The following CSMD1 variants were observed in gnomAD, a reference collection of about 807,000 sequenced individuals.
The protein encoded by CSMD1 is CUB and sushi domain-containing protein 1.
A neutral mutation model predicts 417.5 loss-of-function variants in CSMD1; 213 were observed. That is an observed-to-expected ratio of 0.51 (90% CI 0.46 to 0.57). CSMD1 has a LOEUF of 0.57. CSMD1 is among the 20% of genes least tolerant of loss of function. The pLI is 0.00. For missense variants in CSMD1, 6,923 were observed against 4,529.7 expected (o/e 1.53, Z -15.17); for synonymous variants, 2,862 against 1,736.8 (o/e 1.65, Z -16.11).
intron 6 of CSMD1, among the ~76,000 whole-genome samples, chr8:3,748,967 G>C (rs534327790): frequency 2.6e-5 from 4 of 152,258 alleles, no homozygotes; most frequent in Admixed American, 2.6e-4. Context: ...TGATTTATCA[G>C]TTACAGAAAA....
chr8:4,031,662 T>A (rs1207189967), intron 4 of CSMD1, among the ~76,000 whole-genome samples: 1 of 152,170 alleles, frequency 6.6e-6, no homozygotes, highest in Non-Finnish European at 1.5e-5. Flanking sequence ...TATTATATAT[T>A]ATTACTTATC....
intron 5 of CSMD1, among the ~76,000 whole-genome samples, chr8:3,852,655 G>C (rs1181876996): frequency 6.9e-6 from 1 of 145,678 alleles, no homozygotes; most frequent in Non-Finnish European, 1.5e-5. Flanking sequence ...GGGAAACTGA[G>C]GCAGGCCAAG....
intron 5 of CSMD1, among the ~76,000 whole-genome samples, chr8:3,871,761 T>A (rs901184656): frequency 1.3e-5 from 2 of 152,172 alleles, no homozygotes; most frequent in Admixed American, 1.3e-4. Flanking sequence ...GTGGGTAAAA[T>A]GGTGGATGAC....
chr8:3,821,375 G>T (rs374424756), intron 5 of CSMD1, among the ~76,000 whole-genome samples: 3 of 152,292 alleles, frequency 2.0e-5, no homozygotes, highest in African/African-American at 4.8e-5. Flanking sequence ...GGCAGCGCAG[G>T]TTTGCATATG....
chr8:2,951,076 G>A, intron 66 of CSMD1, 38 bp downstream of exon 66: 1 of 1,590,508 alleles, frequency 6.3e-7, no homozygotes, highest in African/African-American at 1.3e-5. Flanking sequence ...GTCTATTTCT[G>A]CTCACACCAT....
chr8:3,958,130 C>A (rs1812090551), intron 5 of CSMD1, among the ~76,000 whole-genome samples: 1 of 152,032 alleles, frequency 6.6e-6, no homozygotes, highest in Admixed American at 6.6e-5. Flanking sequence ...AATGAAGCTG[C>A]CAAAGTCTTA....
At chr8:4,400,594 G>C (rs1410774051) in intron 3 of CSMD1, among the ~76,000 whole-genome samples, 1 of 152,236 alleles carries the variant, frequency 6.6e-6, no homozygotes, top group Admixed American at 6.5e-5. Flanking sequence ...AGCTGCTGGA[G>C]TTTGAAATAG....
intron 3 of CSMD1, among the ~76,000 whole-genome samples, chr8:4,319,045 T>A (rs574689430): frequency 6.6e-6 from 1 of 152,308 alleles, no homozygotes; most frequent in Non-Finnish European, 1.5e-5. Flanking sequence ...AACTCCTTGT[T>A]TGACCAAATA....
In CSMD1 at chr8:3,359,332, G is replaced by T. The variant is rs762025445; in HGVS notation, c.3124C>A (p.Leu1042Met). The T allele has an allele frequency of 8.1e-6, 13 of 1,612,974 alleles. No individual in the cohort carries two copies. The highest frequency in any genetic ancestry group is 1.1e-5 in the Non-Finnish European group (13 of 1,179,556). ...ACTCCAGGATCATCACATGGCTCCAGGTCATATTCTGAGGCATGCAGAGAC... is the reference window on the plus strand; with the variant it reads ...ACTCCAGGATCATCACATGGCTCCATGTCATATTCTGAGGCATGCAGAGAC... ...GFNITFSEYD[L>M]EPCDDPGVPA... The change falls in exon 21 of 70, where the codon CTG (leucine) becomes ATG (methionine). Residue 1042 changes from leucine (L) to methionine (M), a missense_variant. Leu to Met is a conservative substitution (Grantham distance 15). Coordinates refer to ENST00000635120, the MANE Select transcript of CSMD1 (RefSeq NM_033225.6).
Position 3,107,757 on chromosome 8 carries a change from G to A in CSMD1, c.6796C>T (p.Gln2266Ter). 6.3e-7 allele frequency: 1 copy of A among 1,593,350 alleles called. No individual in the cohort carries two copies. The highest frequency in any genetic ancestry group is 8.5e-7 in the Non-Finnish European group (1 of 1,173,088). The change falls in exon 45 of 70, where the codon CAG (glutamine) becomes TAG (stop). Residue 2266 changes from glutamine to a stop codon, truncating the protein, a stop_gained. Coordinates refer to ENST00000635120, the MANE Select transcript of CSMD1 (RefSeq NM_033225.6). LOFTEE classifies it high-confidence loss of function. ...TCATCCTCAGTAAGCATTTCTGCCT[G>A]TGGAACCGCTGGGGGAGGTTGACAT... The part of the protein sequence containing the change: ...KKCQPPPAVP[Q>*]AEMLTEDDDF...
intron 23 of CSMD1, among the ~76,000 whole-genome samples, chr8:3,312,395 T>G (rs913428797): frequency 3.9e-5 from 6 of 152,310 alleles, no homozygotes; most frequent in African/African-American, 1.4e-4. Flanking sequence ...TATTATCTTG[T>G]AAAAAGCTCT....
intron 2 of CSMD1, among the ~76,000 whole-genome samples, chr8:4,513,002 G>C (rs1361132291): frequency 5.3e-5 from 8 of 152,226 alleles, no homozygotes; most frequent in Non-Finnish European, 1.2e-4. Flanking sequence ...AGTTGAGGGA[G>C]AGAAGGATTA....
intron 3 of CSMD1, among the ~76,000 whole-genome samples, chr8:4,095,782 A>C (rs1693698905): frequency 6.6e-6 from 1 of 152,216 alleles, no homozygotes; most frequent in Admixed American, 6.5e-5. Context: ...TTCAGTTCTA[A>C]GGTTTTATAT....
intron 3 of CSMD1, among the ~76,000 whole-genome samples, chr8:4,320,859 T>C (rs537901749): frequency 6.6e-6 from 1 of 152,308 alleles, no homozygotes; most frequent in Admixed American, 6.5e-5. Context: ...TAAATCATTC[T>C]ACTATAAAGA....
chr8:4,969,862 G>T (rs984073540), intron 1 of CSMD1, among the ~76,000 whole-genome samples: 2 of 151,570 alleles, frequency 1.3e-5, no homozygotes, highest in Admixed American at 1.3e-4. Context: ...AAACAAGTAG[G>T]ATATAGTGTC....
chr8:3,062,151 T>C (rs1338558820), intron 49 of CSMD1, among the ~76,000 whole-genome samples: 2 of 152,164 alleles, frequency 1.3e-5, no homozygotes, highest in Non-Finnish European at 2.9e-5. Flanking sequence ...TCTGGGTCCT[T>C]TCTTTTTTTT....
intron 2 of CSMD1, among the ~76,000 whole-genome samples, chr8:4,427,168 G>A (rs1314248956): frequency 6.6e-6 from 1 of 152,094 alleles, no homozygotes; most frequent in Non-Finnish European, 1.5e-5. Flanking sequence ...TCTACACAAT[G>A]GGTAAGTCCA....
intron 1 of CSMD1, among the ~76,000 whole-genome samples, chr8:4,714,121 G>T (rs1360358475): frequency 6.6e-6 from 1 of 151,918 alleles, no homozygotes; most frequent in Non-Finnish European, 1.5e-5. Flanking sequence ...CTCCAGTCTG[G>T]GTGACAGAAC....
At chr8:3,529,035 C>T (rs970118935) in intron 10 of CSMD1, among the ~76,000 whole-genome samples, 31 of 152,288 alleles carry the variant, frequency 2.0e-4, no homozygotes, top group South Asian at 6.2e-4. Flanking sequence ...ACAGAGCTTT[C>T]GAACAAGGCT....
Sources: allele counts gnomAD v4.1 joint callset (sites outside exome capture counted in the v4.1 genomes callset), GRCh38; gene constraint gnomAD v4.1.1; transcripts MANE v1.5; gene names NCBI Gene and HGNC (gene_info 2026-07-23, HGNC 2026-07-21).